Variants in SLC9C2 observed in about 807,000 individuals in gnomAD.
SLC9C2 encodes solute carrier family 9 member C2 (putative).
Under a neutral mutation model 140.2 loss-of-function variants are expected in SLC9C2, and 75 were observed. That is an observed-to-expected ratio of 0.53 (90% CI 0.44 to 0.65). The LOEUF (loss-of-function observed/expected upper bound fraction) is 0.65, where lower values mean the gene tolerates loss of function less well. Among genes scored for constraint, SLC9C2 ranks in the 30% least tolerant of loss-of-function variants. The pLI is 0.00. For missense variants in SLC9C2, 1,074 were observed against 1,331.8 expected, an observed-to-expected ratio of 0.81 and a Z score of 3.01; for synonymous variants, 375 against 420.9, an observed-to-expected ratio of 0.89 and a Z score of 1.34.
chr1:173,573,016 A>G (rs550958718), intron 9 of SLC9C2, among the ~76,000 whole-genome samples, 166 bp downstream of exon 9: 2 of 152,194 alleles, frequency 1.3e-5, no homozygotes, highest in Non-Finnish European at 2.9e-5. Context: ...AAAAATAAAC[A>G]CTTACCCCAA....
chr1:173,518,338 G>A (rs1660570839), intron 22 of SLC9C2, among the ~76,000 whole-genome samples: 1 of 151,746 alleles, frequency 6.6e-6, no homozygotes, highest in Non-Finnish European at 1.5e-5. Context: ...GAGTCCATTA[G>A]ATATTCTTAC....
intron 3 of SLC9C2, among the ~76,000 whole-genome samples, chr1:173,599,299 G>T (rs1666628817): frequency 6.8e-6 from 1 of 147,800 alleles, no homozygotes; most frequent in Non-Finnish European, 1.5e-5. Flanking sequence ...TGCAGGGGAA[G>T]GAAGCCAGAG....
chr1:173,561,089 C>T (rs955669258), intron 9 of SLC9C2, among the ~76,000 whole-genome samples: 2 of 152,188 alleles, frequency 1.3e-5, no homozygotes, highest in African/African-American at 4.8e-5. Flanking sequence ...AGCCACCGTG[C>T]CCGGCCCCAT....
At chr1:173,519,480 A>G (rs1254930536) in intron 22 of SLC9C2, among the ~76,000 whole-genome samples, 1 of 152,218 alleles carries the variant, frequency 6.6e-6, no homozygotes, top group Non-Finnish European at 1.5e-5. Flanking sequence ...CTACACAGCC[A>G]TGAGATAATA....
At chr1:173,539,892 A>C (rs752567809) in intron 13 of SLC9C2, among the ~76,000 whole-genome samples, 1 of 152,204 alleles carries the variant, frequency 6.6e-6, no homozygotes, top group Admixed American at 6.5e-5. Context: ...AGGTCATTAT[A>C]ACAATGACTG....
At chr1:173,526,556 T>A in intron 19 of SLC9C2, 107 bp downstream of exon 19, 1 of 995,378 alleles carries the variant, frequency 1.0e-6, no homozygotes, top group Non-Finnish European at 1.5e-6. Flanking sequence ...GCTTGTTGAA[T>A]GCATAAATGA....
chr1:173,526,956 G>A (rs568858291), intron 18 of SLC9C2, among the ~76,000 whole-genome samples: 6 of 151,936 alleles, frequency 3.9e-5, no homozygotes, highest in East Asian at 3.9e-4. Flanking sequence ...AGTTATTCTC[G>A]TGCCTCAGCC....
chr1:173,550,744 A>AT (rs903243927), intron 11 of SLC9C2, among the ~76,000 whole-genome samples: 45 of 143,462 alleles, frequency 3.1e-4, no homozygotes, highest in Middle Eastern at 3.7e-3. Flanking sequence ...GCCCTGTATC[A>AT]TTTTTTTTTT....
intron 9 of SLC9C2, 94 bp downstream of exon 9, chr1:173,573,088 A>T: frequency 9.3e-6 from 8 of 858,018 alleles, no homozygotes; most frequent in Non-Finnish European, 1.4e-5. Flanking sequence ...CTCCATGTCC[A>T]GAGCCCTTTT....
At chr1:173,538,885 A>G (rs1662169976) in intron 13 of SLC9C2, among the ~76,000 whole-genome samples, 1 of 152,190 alleles carries the variant, frequency 6.6e-6, no homozygotes, top group Admixed American at 6.5e-5. Context: ...TTAATATCAT[A>G]GGTAAACTTT....
In SLC9C2 at chr1:173,597,898, TC is replaced by T. The variant is rs1457588057; in HGVS notation, c.357+5del. The stretch of plus-strand genomic sequence containing the variant: ...TGATCGTACTTTGTTTTAAATGTGT[TC>T]TTACCTGCCAAAACATTTTCTTGAG... On this transcript the variant is annotated splice_donor_5th_base_variant and intron_variant, in intron 4 of 27. Coordinates refer to ENST00000367714, the MANE Select transcript of SLC9C2 (RefSeq NM_178527.4). 6.3e-7 allele frequency: 1 copy of T among 1,578,970 alleles called. No homozygotes were observed. Among genetic ancestry groups the T allele is most frequent in the East Asian group, 2.3e-5 (1 of 44,272 alleles).
At chr1:173,586,070 A>G (rs1665834213) in intron 5 of SLC9C2, among the ~76,000 whole-genome samples, 1 of 152,220 alleles carries the variant, frequency 6.6e-6, no homozygotes, top group South Asian at 2.1e-4. Context: ...ATAGTTTATT[A>G]TAACCATTTA....
At chr1:173,511,023 C>CCTTTTTTTTT (rs1660008809) in intron 23 of SLC9C2, among the ~76,000 whole-genome samples, 1 of 110,598 alleles carries the variant, frequency 9.0e-6, no homozygotes, top group African/African-American at 4.1e-5. Context: ...TTTTTCCTTT[C>CCTTTTTTTTT]TTTTCCTTTT....
intron 9 of SLC9C2, among the ~76,000 whole-genome samples, chr1:173,570,430 G>A (rs766641903): frequency 6.6e-5 from 10 of 151,946 alleles, no homozygotes; most frequent in Admixed American, 1.3e-4. Flanking sequence ...CAAGATGCAG[G>A]ACAAAGTTCT....
chr1:173,572,090 G>T (rs953488693), intron 9 of SLC9C2, among the ~76,000 whole-genome samples: 13 of 152,200 alleles, frequency 8.5e-5, no homozygotes, highest in Admixed American at 6.5e-4. Context: ...CTTAGATTAA[G>T]TAATGACCCA....
intron 4 of SLC9C2, among the ~76,000 whole-genome samples, chr1:173,594,591 T>C (rs1666344700): frequency 1.3e-5 from 2 of 152,120 alleles, no homozygotes. Flanking sequence ...GAAGCACTGG[T>C]ACCTAAAACA....
Position 173,554,725 on chromosome 1 carries a change from T to C in SLC9C2, c.1297+8A>G, listed in dbSNP as rs1261762232. 6.4e-7 allele frequency: 1 copy of C among 1,574,460 alleles called. No homozygotes were observed. The highest frequency in any genetic ancestry group is 1.1e-5 in the South Asian group (1 of 90,032). On this transcript the variant is annotated splice_region_variant and intron_variant, in intron 11 of 27. Transcript: ENST00000367714. ...CCAGCTAATTCATGAATGAGACACA[T>C]ACTTTACCTAACTTCCTGGCTGACT... is the stretch of plus-strand genomic sequence containing the variant.
intron 7 of SLC9C2, among the ~76,000 whole-genome samples, chr1:173,577,937 G>A (rs1431506683): frequency 3.3e-5 from 5 of 152,024 alleles, no homozygotes; most frequent in Middle Eastern, 3.2e-3. Flanking sequence ...CAGGAGTGCC[G>A]CAAACTGTGA....
intron 1 of SLC9C2, 136 bp from the exon 2 acceptor site, chr1:173,601,991 T>G: frequency 1.9e-6 from 1 of 523,968 alleles, no homozygotes; most frequent in Non-Finnish European, 3.4e-6. Flanking sequence ...CCTCTTGTCC[T>G]ACCCCTTGCT....
Sources: gnomAD v4.1 joint callset for allele counts (sites outside exome capture counted in the v4.1 genomes callset) on GRCh38, gnomAD v4.1.1 for gene constraint, MANE v1.5 for transcripts, NCBI Gene and HGNC (gene_info 2026-07-23, HGNC 2026-07-21) for gene names.